The following ATP6V1B1 variants were observed in gnomAD, a reference collection of about 807,000 sequenced individuals.
The protein encoded by ATP6V1B1 is ATPase H+ transporting V1 subunit B1, also known as V-type proton ATPase subunit B, kidney isoform.
In ATP6V1B1, 41 loss-of-function variants were observed where a neutral mutation model predicts 62.1. The observed-to-expected ratio is 0.66, with a 90% CI of 0.51 to 0.86. The LOEUF is 0.86. Ranked by LOEUF, ATP6V1B1 falls within the 40% of genes least tolerant of loss-of-function variation. The probability of loss-of-function intolerance (pLI) is 0.00; values close to 1 mark genes in which losing one functional copy is unlikely to be tolerated. For missense variants in ATP6V1B1, 651 were observed against 697.5 expected (o/e 0.93, Z 0.75); for synonymous variants, 253 against 273.4 (o/e 0.93, Z 0.74).
At chr2:70,944,868 C>T (rs550151944) in intron 2 of ATP6V1B1, among the ~76,000 whole-genome samples, 22 of 152,246 alleles carry the variant, frequency 1.4e-4, no homozygotes, top group Admixed American at 7.2e-4. Context: ...GGGGTTTCCC[C>T]GTGTTAGCCA....
intron 12 of ATP6V1B1, 68 bp downstream of exon 12, chr2:70,964,610 C>T: frequency 1.9e-6 from 3 of 1,610,406 alleles, no homozygotes; most frequent in South Asian, 1.1e-5. Flanking sequence ...TGAGCCCCAT[C>T]TGAAGGACAA....
chr2:70,940,907 C>CTTTTCTTTTT (rs1679984592), intron 1 of ATP6V1B1: 1 of 685,730 alleles, frequency 1.5e-6, no homozygotes, highest in African/African-American at 2.7e-5. Flanking sequence ...TTTTCTTTTT[C>CTTTTCTTTTT]TTTTTCTTTT....
chr2:70,945,734 A>AG, intron 2 of ATP6V1B1, among the ~76,000 whole-genome samples: 1 of 134,976 alleles, frequency 7.4e-6, no homozygotes, highest in Non-Finnish European at 1.6e-5. Flanking sequence ...ATATATATAT[A>AG]TATATATAGT....
chr2:70,964,905 C>A lies in ATP6V1B1; in HGVS notation c.1378+40C>A, dbSNP rs202060369. On this transcript the variant is annotated intron_variant, in intron 13 of 13. Coordinates refer to ENST00000234396, the MANE Select transcript of ATP6V1B1 (RefSeq NM_001692.4). ...TGGTGTGGAGCCAGTAACCTCTTCA[C>A]CCTCCTTCCGCCCCACACACATTCC... 291 of 1,614,082 alleles carry A rather than the reference C, an allele frequency of 1.8e-4. 2 individuals carry two copies. In the Middle Eastern group the frequency reaches 1.8e-3, roughly 10 times the overall value.
chr2:70,944,103 G>A (rs1442103282), intron 2 of ATP6V1B1: 11 of 1,280,834 alleles, frequency 8.6e-6, no homozygotes, highest in African/African-American at 7.6e-5. Context: ...CCCCACCCTC[G>A]ACTCTCACAG....
At chr2:70,943,164 G>A (rs79133893) in intron 1 of ATP6V1B1, among the ~76,000 whole-genome samples, 4,153 of 147,792 alleles carry the variant, frequency 0.028, 91 homozygotes, top group Non-Finnish European at 0.043. Flanking sequence ...TCTCACTGAC[G>A]TCTGCACCCC....
chr2:70,937,498 A>T (rs1340159856), intron 1 of ATP6V1B1, among the ~76,000 whole-genome samples: 34 of 151,912 alleles, frequency 2.2e-4, no homozygotes, highest in Non-Finnish European at 5.9e-5. Flanking sequence ...GGAGGATAGG[A>T]GGTCCGGATA....
rs1553415222 is a variant in ATP6V1B1 at position 70,935,930 on chromosome 2, TG to T, written c.-22del. The T allele has an allele frequency of 1.9e-6, 3 of 1,599,578 alleles. No homozygotes were observed. The Admixed American group carries it at 5.0e-5, about 27-fold the overall frequency. ...TGCCACCAGCAGCAGGCTCAGACAC[TG>T]GGCTCCCAGCTGGGGACTGCTCCAT... On this transcript the variant is annotated 5_prime_UTR_variant, in exon 1 of 14. Transcript: ENST00000234396.
chr2:70,963,487 C>T lies in ATP6V1B1; in HGVS notation c.1061-85C>T. 6.5e-7 allele frequency: 1 copy of T among 1,540,976 alleles called. No homozygotes were observed. Among genetic ancestry groups the T allele is most frequent in the Non-Finnish European group, 9.0e-7 (1 of 1,115,700 alleles). ...GCCCCCCACACATCCCTATCACTCC[C>T]ATGAGGGAAACAGACCCCAGGTGGC... is the stretch of plus-strand genomic sequence containing the variant. On this transcript the variant is annotated intron_variant, in intron 10 of 13. Transcript: ENST00000234396. This position sits in a 1 kb window ranked among gnomAD's most constrained non-coding sequence, Gnocchi z 4.3.
chr2:70,961,477 C>CA, intron 7 of ATP6V1B1, 119 bp from the exon 8 acceptor site: 1 of 1,067,228 alleles, frequency 9.4e-7, no homozygotes, highest in Middle Eastern at 2.0e-4. Flanking sequence ...TTGGTGTCTT[C>CA]ACCCCCAGCG....
chr2:70,961,894 ACT>A, intron 8 of ATP6V1B1: 8 of 625,978 alleles, frequency 1.3e-5, no homozygotes, highest in Admixed American at 2.3e-5. Flanking sequence ...CCAGAACATG[ACT>A]CTGTCTGCTG....
At position 70,964,885 on chromosome 2, in the gene ATP6V1B1, T is replaced by A. The variant is rs1680683818; in HGVS notation, c.1378+20T>A. 1.9e-6 allele frequency: 3 copies of A among 1,614,050 alleles called. No individual in the cohort carries two copies. The East Asian group carries it at 6.7e-5, about 36-fold the overall frequency. ...ATCAGGGTAAGGCGCGTCGCTGGTG[T>A]GGAGCCAGTAACCTCTTCACCCTCC... On this transcript the variant is annotated intron_variant, in intron 13 of 13. Transcript: ENST00000234396.
At position 70,959,726 on chromosome 2, in the gene ATP6V1B1, C is replaced by A. The variant is rs1463031257; in HGVS notation, c.446-213C>A. On this transcript the variant is annotated intron_variant, in intron 5 of 13. Transcript: ENST00000234396. This position sits in a 1 kb window ranked among gnomAD's most constrained non-coding sequence, Gnocchi z 4.2. ...GTGGCTATTTAAATTTAAACTAATT[C>A]AAACAGAAAGAAAGTCCCATTTCAG... 6.6e-6 allele frequency among the ~76,000 whole-genome samples: 1 copy of A among 152,230 alleles called. No individual in the cohort carries two copies. The highest frequency in any genetic ancestry group is 1.5e-5 in the Non-Finnish European group (1 of 68,044).
Position 70,964,878 on chromosome 2 carries a change from G to T in ATP6V1B1, c.1378+13G>T. ...TTCATCAATCAGGGTAAGGCGCGTCGCTGGTGTGGAGCCAGTAACCTCTTC... is the reference window on the plus strand; with the variant it reads ...TTCATCAATCAGGGTAAGGCGCGTCTCTGGTGTGGAGCCAGTAACCTCTTC... On this transcript the variant is annotated intron_variant, in intron 13 of 13. Transcript: ENST00000234396. 1 of 1,614,022 alleles carries T rather than the reference G, an allele frequency of 6.2e-7. No individual in the cohort carries two copies. The highest frequency in any genetic ancestry group is 8.5e-7 in the Non-Finnish European group (1 of 1,180,026).
chr2:70,942,956 A>G (rs77009188), intron 1 of ATP6V1B1, among the ~76,000 whole-genome samples: 4,896 of 152,276 alleles, frequency 0.032, 262 homozygotes, highest in African/African-American at 0.11. Flanking sequence ...GGGAGTTAGG[A>G]AGTATTTTTT....
In ATP6V1B1 at chr2:70,943,665, G is replaced by A. The variant is rs782309945; in HGVS notation, c.126G>A (p.Arg42=). The change falls in exon 2 of 14, where the codon AGG becomes AGA. Residue 42 remains arginine (R), a synonymous_variant. Coordinates refer to ENST00000234396, the MANE Select transcript of ATP6V1B1 (RefSeq NM_001692.4). ...NYITHPRVTY[R]TVCSVNGPLV... ...CCCCCGCCCCTCCCCCAGCCTACAG[G>A]ACTGTGTGCAGCGTGAACGGGCCCC... is the stretch of plus-strand genomic sequence containing the variant. 1.2e-6 allele frequency: 2 copies of A among 1,613,918 alleles called. No homozygotes were observed. The highest frequency in any genetic ancestry group is 2.2e-5 in the South Asian group (2 of 91,086).
chr2:70,964,685 G>T, intron 12 of ATP6V1B1, 51 bp from the exon 13 acceptor site: 1 of 1,612,676 alleles, frequency 6.2e-7, no homozygotes, highest in South Asian at 1.1e-5. Flanking sequence ...GGGGCTACTG[G>T]ACTCCCGTGG....
chr2:70,942,287 C>T (rs1680024366), intron 1 of ATP6V1B1: 2 of 399,036 alleles, frequency 5.0e-6, no homozygotes, highest in South Asian at 2.5e-4. Flanking sequence ...GAGGGAGATC[C>T]CCTGCTCTGG....
intron 11 of ATP6V1B1, 54 bp from the exon 12 acceptor site, chr2:70,964,384 G>A (rs1237582611): frequency 1.4e-5 from 22 of 1,579,204 alleles, no homozygotes; most frequent in African/African-American, 5.4e-5. Context: ...TTGGGGACAG[G>A]GGGAGCAAAG....
Sources: allele counts gnomAD v4.1 joint callset (sites outside exome capture counted in the v4.1 genomes callset), GRCh38; gene constraint gnomAD v4.1.1; non-coding constraint Gnocchi (gnomAD v3.1); transcripts MANE v1.5; gene names NCBI Gene and HGNC (gene_info 2026-07-23, HGNC 2026-07-21).